Variants in ACTR3C observed in about 807,000 individuals in gnomAD.
ACTR3C encodes actin-related protein 3C.
ACTR3C carries 18 observed loss-of-function variants against 26.3 expected under a neutral mutation model. The ratio of observed to expected loss-of-function variants is 0.68; its 90% CI spans 0.47 to 1.01. ACTR3C has a LOEUF of 1.01. Among genes scored for constraint, ACTR3C ranks in the 50% least tolerant of loss-of-function variants. The probability of loss-of-function intolerance (pLI) is 0.00; values close to 1 mark genes in which losing one functional copy is unlikely to be tolerated. For synonymous variants in ACTR3C, 55 were observed against 94.5 expected, an observed-to-expected ratio of 0.58 and a Z score of 2.42; for missense variants, 184 against 250.7, an observed-to-expected ratio of 0.73 and a Z score of 1.80.
chr7:150,200,660 A>G, the ACTR3C span, among the ~76,000 whole-genome samples: 1 of 152,208 alleles, frequency 6.6e-6, no homozygotes, highest in Non-Finnish European at 1.5e-5. Flanking sequence ...ACTGCCTTGA[A>G]AAACTCTTTG....
the ACTR3C span, among the ~76,000 whole-genome samples, chr7:150,215,272 C>T: frequency 6.6e-6 from 1 of 152,170 alleles, no homozygotes; most frequent in Non-Finnish European, 1.5e-5. Context: ...AAAATGCAAA[C>T]GCTTCATCAG....
At chr7:150,315,143 T>A (rs1796739217) in intron 1 of ACTR3C, among the ~76,000 whole-genome samples, 1 of 148,088 alleles carries the variant, frequency 6.8e-6, no homozygotes, top group East Asian at 1.9e-4. Context: ...AAATAATATT[T>A]ATTATTATTT....
downstream of ACTR3C, among the ~76,000 whole-genome samples, chr7:150,242,672 G>A (rs148641750): frequency 5.3e-5 from 8 of 152,330 alleles, no homozygotes; most frequent in African/African-American, 1.9e-4. Context: ...AAAGGAGTAT[G>A]TATGTGTGTT....
intron 6 of ACTR3C, among the ~76,000 whole-genome samples, chr7:150,283,378 A>G (rs1194180512): frequency 2.7e-5 from 4 of 150,154 alleles, no homozygotes; most frequent in Non-Finnish European, 5.9e-5. Flanking sequence ...CAAGTGTTTA[A>G]GAATATGCAG....
At chr7:150,098,556 A>G in the ACTR3C span, among the ~76,000 whole-genome samples, 1 of 151,808 alleles carries the variant, frequency 6.6e-6, no homozygotes, top group Non-Finnish European at 1.5e-5. Context: ...CTTAAACTGC[A>G]TGCTTTTGTC....
At chr7:150,134,716 C>T in the ACTR3C span, among the ~76,000 whole-genome samples, 1 of 152,298 alleles carries the variant, frequency 6.6e-6, no homozygotes, top group African/African-American at 2.4e-5. Context: ...CTTCCACATC[C>T]CATCTGTCAC....
the ACTR3C span, among the ~76,000 whole-genome samples, chr7:150,057,900 A>C: frequency 1.3e-5 from 2 of 152,240 alleles, no homozygotes; most frequent in Admixed American, 1.3e-4. Context: ...AGACTCTTCT[A>C]TCTCCCATTG....
At chr7:150,091,987 CAAAAAAAAAAA>C in the ACTR3C span, among the ~76,000 whole-genome samples, 121 of 19,268 alleles carry the variant, frequency 6.3e-3, no homozygotes, top group Non-Finnish European at 9.1e-3. Flanking sequence ...GACTCCGTCT[CAAAAAAAAAAA>C]AAAAAAAAAA....
the ACTR3C span, among the ~76,000 whole-genome samples, chr7:150,199,645 AAAAT>A: frequency 3.4e-4 from 48 of 139,726 alleles, no homozygotes; most frequent in Admixed American, 4.3e-4. Flanking sequence ...AAAATAAAAA[AAAAT>A]AAATAAAAAA....
At chr7:150,039,885 C>T in the ACTR3C span, among the ~76,000 whole-genome samples, 1 of 130,022 alleles carries the variant, frequency 7.7e-6, no homozygotes, top group Non-Finnish European at 1.7e-5. Context: ...CGCTCTCAGT[C>T]CCCGTGTCGT....
the ACTR3C span, among the ~76,000 whole-genome samples, chr7:150,216,755 G>A: frequency 3.3e-5 from 5 of 151,852 alleles, no homozygotes; most frequent in Admixed American, 2.0e-4. Context: ...GGGAGGCCCA[G>A]GTGGGTGGAT....
the ACTR3C span, among the ~76,000 whole-genome samples, chr7:150,041,754 G>T: frequency 7.6e-5 from 11 of 145,306 alleles, no homozygotes; most frequent in South Asian, 1.6e-3. Flanking sequence ...AGAGCCAGGG[G>T]GGGGAAGAGG....
the ACTR3C span, among the ~76,000 whole-genome samples, chr7:150,023,348 T>TACA: frequency 3.1e-4 from 35 of 111,220 alleles, no homozygotes; most frequent in East Asian, 5.6e-4. Context: ...CATATATATT[T>TACA]TAGAGACAGA....
the ACTR3C span, among the ~76,000 whole-genome samples, chr7:150,123,136 T>C: frequency 6.6e-6 from 1 of 151,686 alleles, no homozygotes; most frequent in Non-Finnish European, 1.5e-5. Context: ...CTAATGTAGA[T>C]GACGGGTTGA....
intron 6 of ACTR3C, among the ~76,000 whole-genome samples, chr7:150,253,712 T>C (rs973787821): frequency 2.6e-5 from 4 of 151,956 alleles, no homozygotes; most frequent in African/African-American, 9.7e-5. Flanking sequence ...ATGCCGTTTT[T>C]CTAAATTACA....
intron 3 of ACTR3C, among the ~76,000 whole-genome samples, chr7:150,290,950 A>G (rs1450049314): frequency 6.6e-6 from 1 of 152,224 alleles, no homozygotes; most frequent in Non-Finnish European, 1.5e-5. Flanking sequence ...AAAATAAATT[A>G]TGTACTTCTT....
chr7:149,989,069 A>G, the ACTR3C span, among the ~76,000 whole-genome samples: 1 of 152,066 alleles, frequency 6.6e-6, no homozygotes, highest in Non-Finnish European at 1.5e-5. Flanking sequence ...GTAGGGAGCA[A>G]CCCCTCACCA....
At chr7:150,046,130 T>C in the ACTR3C span, among the ~76,000 whole-genome samples, 1 of 151,986 alleles carries the variant, frequency 6.6e-6, no homozygotes, top group African/African-American at 2.4e-5. Flanking sequence ...CAGGAGAAAA[T>C]CACAAAACCT....
the ACTR3C span, among the ~76,000 whole-genome samples, chr7:150,191,133 T>G: frequency 1.3e-5 from 2 of 152,246 alleles, no homozygotes; most frequent in Non-Finnish European, 2.9e-5. Context: ...GGTTATAAAA[T>G]ACATCTTGAA....
Sources: gnomAD v4.1 joint callset for allele counts (sites outside exome capture counted in the v4.1 genomes callset) on GRCh38, gnomAD v4.1.1 for gene constraint, MANE v1.5 for transcripts, NCBI Gene and HGNC (gene_info 2026-07-23, HGNC 2026-07-21) for gene names.